Variants in MED27 observed in about 807,000 individuals in gnomAD.
MED27 encodes the protein mediator of RNA polymerase II transcription subunit 27.
Under a neutral mutation model 38.2 loss-of-function variants are expected in MED27, and 30 were observed. The observed-to-expected ratio is 0.79, with a 90% CI of 0.59 to 1.07. The LOEUF (loss-of-function observed/expected upper bound fraction) is 1.07, where lower values mean the gene tolerates loss of function less well. Ranked by LOEUF, MED27 falls within the 50% of genes least tolerant of loss-of-function variation. MED27 has a pLI of 0.00. For missense variants in MED27, 289 were observed against 397.5 expected, an observed-to-expected ratio of 0.73 and a Z score of 2.32; for synonymous variants, 122 against 153.5, an observed-to-expected ratio of 0.79 and a Z score of 1.52.
At chr9:132,079,583 T>A in intron 1 of MED27, 59 bp downstream of exon 1, 1 of 1,531,054 alleles carries the variant, frequency 6.5e-7, no homozygotes, top group Non-Finnish European at 9.0e-7. Context: ...TCGAGCGACG[T>A]AGGGGCAGGG....
At chr9:132,015,470 T>C (rs1354072937) in intron 2 of MED27, among the ~76,000 whole-genome samples, 1 of 152,190 alleles carries the variant, frequency 6.6e-6, no homozygotes, top group Non-Finnish European at 1.5e-5. Context: ...CAAACAAAAC[T>C]TTGAATTCTA....
At chr9:132,070,815 C>A (rs1024701041) in intron 2 of MED27, among the ~76,000 whole-genome samples, 1 of 151,998 alleles carries the variant, frequency 6.6e-6, no homozygotes, top group Non-Finnish European at 1.5e-5. Context: ...ACCAAACCCC[C>A]AGTCCCTTAC....
intron 2 of MED27, among the ~76,000 whole-genome samples, chr9:132,058,114 T>C (rs956899950): frequency 1.3e-5 from 2 of 152,222 alleles, no homozygotes; most frequent in African/African-American, 4.8e-5. Context: ...AACTTTAAGC[T>C]GAGTGAAAAT....
chr9:131,860,779 C>A lies in MED27; in HGVS notation c.802-107G>T. On this transcript the variant is annotated intron_variant, in intron 7 of 7. Transcript: ENST00000292035. The surrounding 1 kb of genome is among the most constrained non-coding windows in gnomAD (Gnocchi z 5.8). ...CCAGACAACTTAAGTTGGCTTTGGC[C>A]CCAGAAGATGCCCTGTGATTTCACA... 2.3e-6 allele frequency: 3 copies of A among 1,283,618 alleles called. No homozygotes were observed. The highest frequency in any genetic ancestry group is 3.2e-6 in the Non-Finnish European group (3 of 924,764). The allele number at this position is 1,283,618 out of a possible 1,614,324, so 79.5% of individuals were successfully genotyped here. A position where few individuals can be genotyped will look rare whatever the true frequency, so the allele number is the denominator to read the frequency against.
chr9:132,062,978 C>T (rs1445921163), intron 2 of MED27, among the ~76,000 whole-genome samples: 4 of 152,162 alleles, frequency 2.6e-5, no homozygotes, highest in Admixed American at 2.0e-4. Flanking sequence ...TGAAAGGTCA[C>T]TCTGACTATG....
intron 3 of MED27, among the ~76,000 whole-genome samples, chr9:132,001,919 G>A (rs1564319755): frequency 6.6e-6 from 1 of 151,752 alleles, no homozygotes; most frequent in East Asian, 2.1e-4. Context: ...ATGGATGACT[G>A]GGCCTCTTCC....
chr9:131,992,576 A>AT (rs1229246184), intron 3 of MED27, among the ~76,000 whole-genome samples: 2 of 152,026 alleles, frequency 1.3e-5, no homozygotes, highest in African/African-American at 4.8e-5. Flanking sequence ...TTTTAAAAAA[A>AT]TTTTTGTAGA....
intron 4 of MED27, among the ~76,000 whole-genome samples, chr9:131,895,608 T>C (rs1829819147): frequency 6.6e-6 from 1 of 152,226 alleles, no homozygotes; most frequent in South Asian, 2.1e-4. Flanking sequence ...ATACTTTAAA[T>C]AGTACTGAAT....
At position 131,964,613 on chromosome 9, in the gene MED27, C is replaced by T. The variant is rs113632436; in HGVS notation, c.480-25139G>A. Among the ~76,000 whole-genome samples, 398 of 152,164 alleles carry T rather than the reference C, an allele frequency of 2.6e-3. 2 individuals carry two copies. The highest frequency in any genetic ancestry group is 9.2e-3 in the African/African-American group (383 of 41,498). On this transcript the variant is annotated intron_variant, in intron 3 of 7. Transcript: ENST00000292035. Reference sequence around the variant, plus strand: ...TAACATAAGAACAAGAGAAAGAAGGCGGCAAGGAGAATTTGGATTGGTGAT... The same window carrying T: ...TAACATAAGAACAAGAGAAAGAAGGTGGCAAGGAGAATTTGGATTGGTGAT...
intron 4 of MED27, among the ~76,000 whole-genome samples, chr9:131,921,195 C>T (rs1221173665): frequency 4.6e-5 from 7 of 152,146 alleles, no homozygotes; most frequent in Admixed American, 1.3e-4. Flanking sequence ...AAAGAATTCC[C>T]GTACACCCTT....
intron 3 of MED27, among the ~76,000 whole-genome samples, chr9:131,946,412 T>C (rs1407997994): frequency 2.6e-5 from 4 of 152,174 alleles, no homozygotes; most frequent in Non-Finnish European, 5.9e-5. Flanking sequence ...CCAACACGTA[T>C]CTTTTGTGTC....
intron 3 of MED27, among the ~76,000 whole-genome samples, chr9:132,007,924 T>C (rs1249347588): frequency 6.6e-6 from 1 of 152,010 alleles, no homozygotes; most frequent in East Asian, 1.9e-4. Context: ...GATAATATAA[T>C]GCAAGAGAAA....
rs149790668 is a variant in MED27 at position 131,893,838 on chromosome 9, C to A, written c.681+47G>T. 158 of 1,371,388 alleles carry A rather than the reference C, an allele frequency of 1.2e-4. No individual in the cohort carries two copies. In the African/African-American group the frequency reaches 2.1e-3, roughly 18 times the overall value. 85.0% of individuals were successfully genotyped at this position (1,371,388 alleles called of 1,614,324 possible). On this transcript the variant is annotated intron_variant, in intron 5 of 7. Coordinates refer to ENST00000292035, the MANE Select transcript of MED27 (RefSeq NM_004269.4). ...CATCTGGAATTCGACTACACTTGTT[C>A]TGGGATACAGAAAACCAAGGAACAC... is the stretch of plus-strand genomic sequence containing the variant.
intron 2 of MED27, among the ~76,000 whole-genome samples, chr9:132,060,191 G>C (rs554125923): frequency 6.6e-6 from 1 of 152,178 alleles, no homozygotes; most frequent in Non-Finnish European, 1.5e-5. Context: ...ACCCCCATGC[G>C]TAGAGATTAA....
At chr9:131,938,015 T>C (rs1187206769) in intron 4 of MED27, among the ~76,000 whole-genome samples, 1 of 152,220 alleles carries the variant, frequency 6.6e-6, no homozygotes, top group Non-Finnish European at 1.5e-5. Flanking sequence ...CTTTTCTTTA[T>C]GTTTTAACTG....
At chr9:131,958,919 A>T (rs1158128008) in intron 3 of MED27, among the ~76,000 whole-genome samples, 2 of 152,208 alleles carry the variant, frequency 1.3e-5, no homozygotes, top group African/African-American at 4.8e-5. Context: ...GGACAACCTC[A>T]TCCTGTGAAG....
At chr9:131,941,421 C>G (rs1830783892) in intron 3 of MED27, among the ~76,000 whole-genome samples, 1 of 152,106 alleles carries the variant, frequency 6.6e-6, no homozygotes, top group African/African-American at 2.4e-5. Flanking sequence ...CACACGCCAG[C>G]TCTGAAAGTT....
intron 4 of MED27, among the ~76,000 whole-genome samples, chr9:131,934,435 G>GA (rs201592040): frequency 4.4e-4 from 65 of 148,428 alleles, no homozygotes; most frequent in Non-Finnish European, 7.9e-4. Context: ...AACTCTACAG[G>GA]AAAAAAAAAA....
chr9:131,905,701 C>CAAAAAAAAAAAAAAAAAAAAAAAAAAAAA (rs58848280), intron 4 of MED27, among the ~76,000 whole-genome samples: 1 of 60,922 alleles, frequency 1.6e-5, no homozygotes, highest in African/African-American at 7.4e-5. Flanking sequence ...AAGACCTTGT[C>CAAAAAAAAAAAAAAAAAAAAAAAAAAAAA]AAAAAAAAAA....
Sources: gnomAD v4.1 joint callset for allele counts (sites outside exome capture counted in the v4.1 genomes callset) on GRCh38, gnomAD v4.1.1 for gene constraint, Gnocchi (gnomAD v3.1) non-coding constraint, MANE v1.5 for transcripts, NCBI Gene and HGNC (gene_info 2026-07-23, HGNC 2026-07-21) for gene names.